AKR1C3: variants seen among roughly 807,000 people sequenced by gnomAD.
The protein encoded by AKR1C3 is 3-alpha hydroxysteroid dehydrogenase, type II.
AKR1C3 carries 48 observed loss-of-function variants against 43.6 expected under a neutral mutation model. That is an observed-to-expected ratio of 1.10 (90% CI 0.87 to 1.40). AKR1C3 has a LOEUF of 1.40. AKR1C3 is among the 40% of genes most tolerant of loss of function. The probability of loss-of-function intolerance (pLI) is 0.00; values close to 1 mark genes in which losing one functional copy is unlikely to be tolerated. For synonymous variants in AKR1C3, 162 were observed against 139.6 expected, an observed-to-expected ratio of 1.16 and a Z score of -1.13; for missense variants, 482 against 391.2, an observed-to-expected ratio of 1.23 and a Z score of -1.96.
At chr10:5,064,281 C>T (rs1454655511) in intron 1 of AKR1C3, among the ~76,000 whole-genome samples, 1 of 152,148 alleles carries the variant, frequency 6.6e-6, no homozygotes, top group Non-Finnish European at 1.5e-5. Context: ...TAATGCTGCA[C>T]ACCTGCAATC....
At chr10:5,067,033 A>ATTGT (rs144988666) in intron 1 of AKR1C3, among the ~76,000 whole-genome samples, 19 of 152,070 alleles carry the variant, frequency 1.2e-4, no homozygotes, top group African/African-American at 1.7e-4. Context: ...GGAGTGAATC[A>ATTGT]TTGTTTGTTT....
At chr10:5,065,176 C>G (rs1838473940) in intron 1 of AKR1C3, among the ~76,000 whole-genome samples, 1 of 152,148 alleles carries the variant, frequency 6.6e-6, no homozygotes, top group Non-Finnish European at 1.5e-5. Flanking sequence ...TTAGTTCAAC[C>G]ATTGTAGAAA....
At chr10:5,052,273 G>GCA (rs1554779010) in intron 1 of AKR1C3, among the ~76,000 whole-genome samples, 6,309 of 152,208 alleles carry the variant, frequency 0.041, 448 homozygotes, top group African/African-American at 0.14. Context: ...AGACCTTCAT[G>GCA]GTGTTACAGC....
At chr10:5,091,763 CAT>C (rs1263336043), upstream of AKR1C3, among the ~76,000 whole-genome samples, 1 of 152,104 alleles carries the variant, frequency 6.6e-6, no homozygotes, top group African/African-American at 2.4e-5. Context: ...ACATTGTGTA[CAT>C]GTTAACATAG....
intron 1 of AKR1C3, among the ~76,000 whole-genome samples, chr10:5,052,669 G>A (rs957881244): frequency 1.3e-5 from 2 of 152,076 alleles, no homozygotes; most frequent in East Asian, 1.9e-4. Context: ...TAGATACAGA[G>A]TGCCGATTGG....
chr10:5,071,952 G>A (rs1838618794), intron 1 of AKR1C3, among the ~76,000 whole-genome samples: 1 of 152,286 alleles, frequency 6.6e-6, no homozygotes, highest in Admixed American at 6.5e-5. Flanking sequence ...AGTTCACGCT[G>A]GACCTCTTCT....
chr10:5,054,250 G>T (rs868957223), intron 1 of AKR1C3, among the ~76,000 whole-genome samples: 1 of 152,206 alleles, frequency 6.6e-6, no homozygotes, highest in Non-Finnish European at 1.5e-5. Flanking sequence ...AATAGATTTC[G>T]TTATTTCTTG....
At chr10:5,068,231 A>T (rs933531151) in intron 1 of AKR1C3, among the ~76,000 whole-genome samples, 2 of 152,198 alleles carry the variant, frequency 1.3e-5, no homozygotes, top group Admixed American at 6.5e-5. Context: ...AATTCCATAT[A>T]ATCTTAGAAC....
chr10:5,077,622 T>C, intron 1 of AKR1C3: 2 of 1,031,156 alleles, frequency 1.9e-6, no homozygotes, highest in Middle Eastern at 4.6e-4. Context: ...CTTGCCTGTC[T>C]GGGCAAGGAG....
Position 5,048,891 on chromosome 10 carries a change from C to CAGAGGTA in AKR1C3, c.82_84+4dup, listed in dbSNP as rs1564349440. On this transcript the variant is annotated frameshift_variant, in exon 1 of 9. Coordinates refer to the AKR1C3 transcript ENST00000439082. LOFTEE classifies it high-confidence loss of function. ...CTGGGATTTGGCACCTATGCACCTCCAGAGGTAATAATAATGTTTTTGGTG... is the reference window on the plus strand; with the variant it reads ...CTGGGATTTGGCACCTATGCACCTCCAGAGGTAAGAGGTAATAATAATGTTTTTGGTG... 11 of 1,612,910 alleles carry CAGAGGTA rather than the reference C, an allele frequency of 6.8e-6. No individual in the cohort carries two copies. The highest frequency in any genetic ancestry group is 9.3e-6 in the Non-Finnish European group (11 of 1,179,068).
At chr10:5,095,745 C>G (rs1019071805) in intron 1 of AKR1C3, among the ~76,000 whole-genome samples, 1 of 13,802 alleles carries the variant, frequency 7.2e-5, no homozygotes, top group Non-Finnish European at 1.2e-4. Flanking sequence ...TTAGTAAATT[C>G]TTAACAGATT....
chr10:5,096,220 G>A (rs1839203173), intron 1 of AKR1C3, 190 bp from the exon 2 acceptor site: 3 of 585,738 alleles, frequency 5.1e-6, no homozygotes, highest in Admixed American at 3.2e-5. Context: ...GATTGCCTGA[G>A]ACTGAAGGTG....
At chr10:5,099,511 C>T (rs1839297145) in intron 5 of AKR1C3, 62 bp downstream of exon 5, 5 of 1,607,242 alleles carry the variant, frequency 3.1e-6, no homozygotes, top group Admixed American at 1.7e-5. Flanking sequence ...GTCCTATTGC[C>T]AAATATCTGT....
chr10:5,061,245 G>A (rs1254041256), intron 1 of AKR1C3, among the ~76,000 whole-genome samples: 8 of 152,222 alleles, frequency 5.3e-5, no homozygotes, highest in African/African-American at 1.9e-4. Flanking sequence ...ACCTTTTTGA[G>A]GTGGGCATGG....
intron 1 of AKR1C3, among the ~76,000 whole-genome samples, chr10:5,064,026 A>G (rs1838441941): frequency 6.6e-6 from 1 of 152,188 alleles, no homozygotes; most frequent in African/African-American, 2.4e-5. Flanking sequence ...AGTGGAATCT[A>G]TTTCACCAAA....
At chr10:5,083,406 C>T (rs1221536950) in intron 1 of AKR1C3, among the ~76,000 whole-genome samples, 2 of 152,144 alleles carry the variant, frequency 1.3e-5, no homozygotes, top group Non-Finnish European at 2.9e-5. Flanking sequence ...AGGGCATGAA[C>T]TCATCATTTT....
At chr10:5,099,476 T>C in intron 5 of AKR1C3, 27 bp downstream of exon 5, 3 of 1,614,058 alleles carry the variant, frequency 1.9e-6, no homozygotes, top group Non-Finnish European at 1.7e-6. Context: ...TTCTCTCCTT[T>C]CGGTTCTTCA....
intron 1 of AKR1C3, among the ~76,000 whole-genome samples, chr10:5,087,206 C>A (rs896378030): frequency 2.6e-5 from 4 of 152,140 alleles, no homozygotes; most frequent in South Asian, 2.1e-4. Context: ...TGGCTGGTAC[C>A]GTTTGTTCCT....
intron 1 of AKR1C3, among the ~76,000 whole-genome samples, chr10:5,083,141 A>T (rs556785777): frequency 1.3e-5 from 2 of 152,138 alleles, no homozygotes; most frequent in African/African-American, 2.4e-5. Context: ...TTTGTTACAT[A>T]TGTATACATG....
Sources: gnomAD v4.1 joint callset for allele counts (sites outside exome capture counted in the v4.1 genomes callset) on GRCh38, gnomAD v4.1.1 for gene constraint, MANE v1.5 for transcripts, NCBI Gene and HGNC (gene_info 2026-07-23, HGNC 2026-07-21) for gene names.